The following SGK1 variants were observed in gnomAD, a reference collection of about 807,000 sequenced individuals.
The protein encoded by SGK1 is serine/threonine-protein kinase Sgk1.
A neutral mutation model predicts 64.2 loss-of-function variants in SGK1; 26 were observed. That is an observed-to-expected ratio of 0.40 (90% CI 0.30 to 0.56). The LOEUF (loss-of-function observed/expected upper bound fraction) is 0.56, where lower values mean the gene tolerates loss of function less well. Among genes scored for constraint, SGK1 ranks in the 20% least tolerant of loss-of-function variants. The probability of loss-of-function intolerance (pLI) is 0.38; values close to 1 mark genes in which losing one functional copy is unlikely to be tolerated. For synonymous variants in SGK1, 265 were observed against 239.7 expected (o/e 1.11, Z -0.98); for missense variants, 519 against 645.6 (o/e 0.80, Z 2.12).
At position 134,172,712 on chromosome 6, in the gene SGK1, A is replaced by T. The variant is rs747766096; in HGVS notation, c.897T>A (p.Ala299=). The change falls in exon 9 of 14, where the codon GCT becomes GCA. Residue 299 remains alanine (A), a synonymous_variant. Coordinates refer to ENST00000367858, the MANE Select transcript of SGK1 (RefSeq NM_001143676.3). ...FLEPRARFYA[A]EIASALGYLH... ...GGTAGCCCAAGGCACTGGCTATTTC[A>T]GCAGCATAGAAACGAGCCCGTGGTT... The T allele has an allele frequency of 9.3e-6, 15 of 1,614,084 alleles. No homozygotes were observed. Among genetic ancestry groups the T allele is most frequent in the Admixed American group, 1.7e-5 (1 of 60,010 alleles).
At chr6:134,238,690 T>C (rs1486583255) in intron 2 of SGK1, among the ~76,000 whole-genome samples, 1 of 152,102 alleles carries the variant, frequency 6.6e-6, no homozygotes, top group Non-Finnish European at 1.5e-5. Flanking sequence ...AAATAAGGCA[T>C]ACCAGCCTTA....
At chr6:134,188,908 C>CTTTTTTTT (rs34316759) in intron 3 of SGK1, among the ~76,000 whole-genome samples, 34 of 110,202 alleles carry the variant, frequency 3.1e-4, no homozygotes, top group African/African-American at 1.0e-3. Flanking sequence ...ATTTCTTTTT[C>CTTTTTTTT]TTTTTTTTTT....
intron 2 of SGK1, among the ~76,000 whole-genome samples, chr6:134,222,589 T>C (rs1026218840): frequency 4.0e-5 from 6 of 151,870 alleles, no homozygotes; most frequent in Admixed American, 2.6e-4. Flanking sequence ...ACCCACCTCA[T>C]CCTCGCAAAG....
At chr6:134,297,886 T>C (rs1258626031) in intron 1 of SGK1, 25 of 805,272 alleles carry the variant, frequency 3.1e-5, no homozygotes, top group Non-Finnish European at 2.6e-5. Context: ...TGGTACATGC[T>C]CTCAGCCTCA....
At chr6:134,254,867 C>A (rs1418099994) in intron 2 of SGK1, among the ~76,000 whole-genome samples, 1 of 152,000 alleles carries the variant, frequency 6.6e-6, no homozygotes, top group Non-Finnish European at 1.5e-5. Flanking sequence ...ATACAAATCT[C>A]ATTTTTTTTT....
chr6:134,250,554 T>A (rs1256526474), intron 2 of SGK1, among the ~76,000 whole-genome samples: 1 of 152,160 alleles, frequency 6.6e-6, no homozygotes, highest in Non-Finnish European at 1.5e-5. Flanking sequence ...TCTCAGCACA[T>A]TTAGGTGTTT....
chr6:134,246,224 C>T (rs1179984684), intron 2 of SGK1, among the ~76,000 whole-genome samples: 3 of 151,994 alleles, frequency 2.0e-5, no homozygotes, highest in Non-Finnish European at 4.4e-5. Context: ...TCTCGGCTCA[C>T]TGCAACCTCT....
chr6:134,247,718 A>G (rs1190438075), intron 2 of SGK1, among the ~76,000 whole-genome samples: 3 of 152,186 alleles, frequency 2.0e-5, no homozygotes, highest in Non-Finnish European at 2.9e-5. Context: ...TCACTGATTT[A>G]CAAGCTGGCC....
chr6:134,304,283 C>G (rs892335936), intron 1 of SGK1, among the ~76,000 whole-genome samples: 2 of 152,192 alleles, frequency 1.3e-5, no homozygotes, highest in African/African-American at 2.4e-5. Context: ...ATGACAGTAG[C>G]TTTTGCTCAT....
chr6:134,175,625 G>T, intron 3 of SGK1: 1 of 1,540,532 alleles, frequency 6.5e-7, no homozygotes, highest in Admixed American at 1.9e-5. Context: ...AGGGACTCGA[G>T]CCGGGCTCTG....
intron 3 of SGK1, among the ~76,000 whole-genome samples, chr6:134,196,723 G>A (rs1272813577): frequency 6.6e-6 from 1 of 152,188 alleles, no homozygotes; most frequent in Non-Finnish European, 1.5e-5. Context: ...TTCTAAGATA[G>A]AGAAATTGAT....
chr6:134,298,081 G>A, intron 1 of SGK1: 1 of 1,311,744 alleles, frequency 7.6e-7, no homozygotes, highest in Non-Finnish European at 1.1e-6. Context: ...GCCCTTCCAG[G>A]TGAGACTCCA....
At chr6:134,296,102 C>T (rs1490449083) in intron 1 of SGK1, among the ~76,000 whole-genome samples, 1 of 152,144 alleles carries the variant, frequency 6.6e-6, no homozygotes. Flanking sequence ...TCTCAAATGT[C>T]ATCAGTCGAC....
Position 134,317,590 on chromosome 6 carries a change from C to A in SGK1, c.-130G>T. 1.4e-6 allele frequency: 1 copy of A among 715,498 alleles called. No homozygotes were observed. The highest frequency in any genetic ancestry group is 2.6e-6 in the Non-Finnish European group (1 of 388,368). 44.3% of individuals were successfully genotyped at this position (715,498 alleles called of 1,614,324 possible). A position where few individuals can be genotyped will look rare whatever the true frequency, so the allele number is the denominator to read the frequency against. On this transcript the variant is annotated 5_prime_UTR_variant, in exon 1 of 14. Transcript: ENST00000367858. ...GAGCGGGATGGAGAATCTAGCGGGGCTCAGTTCTTCACTCGCGCATTCTGC... is the reference window on the plus strand; with the variant it reads ...GAGCGGGATGGAGAATCTAGCGGGGATCAGTTCTTCACTCGCGCATTCTGC...
At chr6:134,186,362 C>T (rs898876178) in intron 3 of SGK1, among the ~76,000 whole-genome samples, 1 of 152,072 alleles carries the variant, frequency 6.6e-6, no homozygotes, top group African/African-American at 2.4e-5. Context: ...ATTAACAATA[C>T]TTAAATACTG....
chr6:134,198,106 G>C (rs192368136), intron 3 of SGK1, among the ~76,000 whole-genome samples: 7 of 152,166 alleles, frequency 4.6e-5, no homozygotes, highest in Admixed American at 4.6e-4. Flanking sequence ...CTGTGTCCTT[G>C]TTCTTTTCAA....
chr6:134,299,803 CT>C (rs10637676), intron 1 of SGK1, among the ~76,000 whole-genome samples: 17,663 of 133,568 alleles, frequency 0.13, 1,023 homozygotes, highest in East Asian at 0.24. Context: ...ATCCCTGTGA[CT>C]TTTTTTTTTT....
chr6:134,268,138 G>A (rs926655852), intron 1 of SGK1, among the ~76,000 whole-genome samples: 2 of 152,148 alleles, frequency 1.3e-5, no homozygotes, highest in Non-Finnish European at 2.9e-5. Flanking sequence ...ACGGCCCCTC[G>A]GGGAATTCAA....
chr6:134,223,292 C>T (rs113983003), intron 2 of SGK1, among the ~76,000 whole-genome samples: 11,263 of 151,254 alleles, frequency 0.074, 585 homozygotes, highest in African/African-American at 0.14. Flanking sequence ...CGCTTGAACC[C>T]GGGAGGTGGA....
Sources: allele counts gnomAD v4.1 joint callset (sites outside exome capture counted in the v4.1 genomes callset), GRCh38; gene constraint gnomAD v4.1.1; transcripts MANE v1.5; gene names NCBI Gene and HGNC (gene_info 2026-07-23, HGNC 2026-07-21).